CNTNAP2: variants seen among roughly 807,000 people sequenced by gnomAD.
CNTNAP2 encodes contactin associated protein 2.
A neutral mutation model predicts 155.2 loss-of-function variants in CNTNAP2; 98 were observed. That is an observed-to-expected ratio of 0.63 (90% CI 0.54 to 0.75). The LOEUF is 0.75. CNTNAP2 is among the 30% of genes least tolerant of loss of function. The pLI is 0.00. For synonymous variants in CNTNAP2, 651 were observed against 631.2 expected, an observed-to-expected ratio of 1.03 and a Z score of -0.47; for missense variants, 1,727 against 1,688.1, an observed-to-expected ratio of 1.02 and a Z score of -0.40.
chr7:146,341,416 G>C (rs1405071862), intron 1 of CNTNAP2, among the ~76,000 whole-genome samples: 1 of 152,030 alleles, frequency 6.6e-6, no homozygotes, highest in Non-Finnish European at 1.5e-5. Flanking sequence ...CCATTATACT[G>C]AAGACTTGGA....
intron 1 of CNTNAP2, among the ~76,000 whole-genome samples, chr7:146,328,194 G>A (rs1057498462): frequency 6.6e-6 from 1 of 152,108 alleles, no homozygotes; most frequent in African/African-American, 2.4e-5. Flanking sequence ...CTGCACCTGC[G>A]AGGGATCTAG....
intron 1 of CNTNAP2, among the ~76,000 whole-genome samples, chr7:146,551,060 C>A (rs909861060): frequency 6.6e-6 from 1 of 151,952 alleles, no homozygotes; most frequent in Non-Finnish European, 1.5e-5. Context: ...CACCAAGGGG[C>A]AATAAGATGG....
intron 3 of CNTNAP2, among the ~76,000 whole-genome samples, chr7:146,885,203 TAA>T (rs1447794900): frequency 1.3e-5 from 2 of 152,198 alleles, no homozygotes; most frequent in African/African-American, 2.4e-5. Flanking sequence ...TCCGAAATGT[TAA>T]GTTACTCTTA....
chr7:146,585,324 G>A (rs369045627), intron 1 of CNTNAP2, among the ~76,000 whole-genome samples: 1 of 151,918 alleles, frequency 6.6e-6, no homozygotes, highest in Non-Finnish European at 1.5e-5. Flanking sequence ...GTTTCACCAT[G>A]TTGTCCAGGA....
At chr7:148,188,431 T>C (rs1264282338) in intron 18 of CNTNAP2, among the ~76,000 whole-genome samples, 2 of 152,122 alleles carry the variant, frequency 1.3e-5, no homozygotes, top group African/African-American at 4.8e-5. Context: ...GGACAAGCTT[T>C]GAGGAGATAG....
intron 13 of CNTNAP2, among the ~76,000 whole-genome samples, chr7:147,875,060 C>T (rs976049131): frequency 4.6e-5 from 7 of 152,194 alleles, no homozygotes; most frequent in African/African-American, 1.4e-4. Context: ...AACTTTCCTA[C>T]ATCGTCCTGT....
intron 16 of CNTNAP2, among the ~76,000 whole-genome samples, chr7:148,119,756 G>A (rs1804560328): frequency 6.6e-6 from 1 of 151,854 alleles, no homozygotes; most frequent in Non-Finnish European, 1.5e-5. Flanking sequence ...TTAATTTGTG[G>A]GATTGTGATG....
chr7:147,371,845 G>A (rs1796354096), intron 9 of CNTNAP2, among the ~76,000 whole-genome samples: 1 of 152,012 alleles, frequency 6.6e-6, no homozygotes, highest in South Asian at 2.1e-4. Flanking sequence ...ATAAAATATA[G>A]TCATATATAT....
chr7:146,518,996 T>C (rs78761565), intron 1 of CNTNAP2, among the ~76,000 whole-genome samples: 9,888 of 151,986 alleles, frequency 0.065, 782 homozygotes, highest in African/African-American at 0.19. Context: ...GTATCACATC[T>C]GTGAAGGTTT....
chr7:146,614,501 G>T (rs967463445), intron 1 of CNTNAP2, among the ~76,000 whole-genome samples: 2 of 152,138 alleles, frequency 1.3e-5, no homozygotes, highest in Admixed American at 1.3e-4. Flanking sequence ...ATGATTCTTT[G>T]GTTATGAGCA....
intron 11 of CNTNAP2, among the ~76,000 whole-genome samples, chr7:147,553,859 T>C (rs565792787): frequency 5.1e-4 from 78 of 152,086 alleles, no homozygotes; most frequent in Middle Eastern, 3.4e-3. Context: ...TAATCCCAGC[T>C]ACCAAGGCAG....
intron 4 of CNTNAP2, among the ~76,000 whole-genome samples, chr7:147,060,182 T>TAA (rs376471035): frequency 2.9e-5 from 4 of 138,170 alleles, no homozygotes; most frequent in African/African-American, 1.2e-4. Context: ...AGTAACAATT[T>TAA]AAAAAAAAAA....
At chr7:147,506,461 G>A (rs1321893791) in intron 11 of CNTNAP2, among the ~76,000 whole-genome samples, 1 of 152,038 alleles carries the variant, frequency 6.6e-6, no homozygotes, top group Non-Finnish European at 1.5e-5. Context: ...CTCCATGTTG[G>A]TCAGGCTGGT....
chr7:147,256,435 G>A (rs189692515), intron 8 of CNTNAP2, among the ~76,000 whole-genome samples: 122 of 152,288 alleles, frequency 8.0e-4, no homozygotes, highest in Middle Eastern at 3.4e-3. Flanking sequence ...GTCACTAGGT[G>A]TAAAAATGGC....
intron 13 of CNTNAP2, among the ~76,000 whole-genome samples, chr7:147,834,096 A>C (rs549880007): frequency 1.3e-5 from 2 of 152,172 alleles, no homozygotes; most frequent in South Asian, 4.1e-4. Flanking sequence ...AAGTCTCTTT[A>C]GCTCCTCTGC....
At chr7:146,517,644 A>G (rs1489127464) in intron 1 of CNTNAP2, among the ~76,000 whole-genome samples, 2 of 151,922 alleles carry the variant, frequency 1.3e-5, no homozygotes, top group Non-Finnish European at 2.9e-5. Flanking sequence ...GTTGAGTGAT[A>G]TAATTTAATT....
chr7:147,045,527 C>T (rs557159267), intron 4 of CNTNAP2, among the ~76,000 whole-genome samples: 1 of 152,198 alleles, frequency 6.6e-6, no homozygotes, highest in South Asian at 2.1e-4. Flanking sequence ...TTTATTGTAG[C>T]AGATAAAATT....
chr7:147,640,677 TA>T (rs962351563), intron 13 of CNTNAP2, among the ~76,000 whole-genome samples: 2 of 152,072 alleles, frequency 1.3e-5, no homozygotes, highest in African/African-American at 4.8e-5. Flanking sequence ...CAGAACTGGA[TA>T]AAACGACATG....
Position 147,292,795 on chromosome 7 carries a change from G to A in CNTNAP2, c.1349-7346G>A, listed in dbSNP as rs367663706. Among the ~76,000 whole-genome samples, 13 of 152,164 alleles carry A rather than the reference G, an allele frequency of 8.5e-5. No individual in the cohort carries two copies. The South Asian group carries it at 2.1e-3, about 24-fold the overall frequency. On this transcript the variant is annotated intron_variant, in intron 8 of 23. Coordinates refer to ENST00000361727, the MANE Select transcript of CNTNAP2 (RefSeq NM_014141.6). Reference sequence around the variant, plus strand: ...TGTTTGTTTGTTTATTTGAGACAGGGTTTTGCTCTTATTGACCAGGCTGGA... The same window carrying A: ...TGTTTGTTTGTTTATTTGAGACAGGATTTTGCTCTTATTGACCAGGCTGGA...
Sources: gnomAD v4.1 joint callset for allele counts (sites outside exome capture counted in the v4.1 genomes callset) on GRCh38, gnomAD v4.1.1 for gene constraint, MANE v1.5 for transcripts, NCBI Gene and HGNC (gene_info 2026-07-23, HGNC 2026-07-21) for gene names.